The following AP3B2 variants were observed in gnomAD, a reference collection of about 807,000 sequenced individuals.
AP3B2 encodes the protein AP-3 complex subunit beta-2.
Under a neutral mutation model 126.9 loss-of-function variants are expected in AP3B2, and 50 were observed. The observed-to-expected ratio is 0.39, with a 90% CI of 0.31 to 0.50. The LOEUF (loss-of-function observed/expected upper bound fraction) is 0.50, where lower values mean the gene tolerates loss of function less well. Ranked by LOEUF, AP3B2 falls within the 20% of genes least tolerant of loss-of-function variation. The pLI, the probability that AP3B2 is intolerant of heterozygous loss-of-function variation, is 0.79. For missense variants in AP3B2, 1,177 were observed against 1,426.4 expected, an observed-to-expected ratio of 0.83 and a Z score of 2.82; for synonymous variants, 541 against 565.0, an observed-to-expected ratio of 0.96 and a Z score of 0.60.
chr15:82,670,120 G>GGC (rs1437023084), intron 14 of AP3B2, among the ~76,000 whole-genome samples: 1 of 136,488 alleles, frequency 7.3e-6, no homozygotes, highest in East Asian at 2.1e-4. Context: ...TTTGGCGGGG[G>GGC]GGGACGAAGA....
intron 14 of AP3B2, among the ~76,000 whole-genome samples, chr15:82,670,883 G>C (rs934700419): frequency 3.3e-5 from 5 of 152,132 alleles, no homozygotes; most frequent in African/African-American, 4.8e-5. Context: ...TTTAAAAATG[G>C]GCAAAAGAGC....
At chr15:82,691,326 T>C (rs1461279969) in intron 1 of AP3B2, among the ~76,000 whole-genome samples, 3 of 152,232 alleles carry the variant, frequency 2.0e-5, no homozygotes, top group African/African-American at 4.8e-5. Flanking sequence ...TGGTACCTCA[T>C]TGTGGTTTTG....
intron 4 of AP3B2, 70 bp downstream of exon 4, chr15:82,688,666 C>A: frequency 7.1e-7 from 1 of 1,413,532 alleles, no homozygotes; most frequent in Non-Finnish European, 9.8e-7. Context: ...CATGGCCTCT[C>A]CCCAGGCCTA....
At position 82,690,642 on chromosome 15, in the gene AP3B2, C is replaced by CTTTTT. The variant is rs147811093; in HGVS notation, c.114-1194_114-1190dup. ...TGTATATGTGCCACATTTTCTTCTT[C>CTTTTT]TTTTTTTTTTTTTTTTTTTTTTTTT... On this transcript the variant is annotated intron_variant, in intron 1 of 26. Coordinates refer to ENST00000535359, the MANE Select transcript of AP3B2 (RefSeq NM_001278512.2). Among the ~76,000 whole-genome samples the CTTTTT allele has an allele frequency of 7.4e-4, 51 of 68,914 alleles. 2 individuals carry two copies. Among genetic ancestry groups the CTTTTT allele is most frequent in the African/African-American group, 1.9e-3 (28 of 15,116 alleles). 45.2% of individuals were successfully genotyped at this position (68,914 alleles called of 152,430 possible).
chr15:82,680,328 C>A lies in AP3B2; in HGVS notation c.1056-99G>T, dbSNP rs2048314220. 8 of 1,565,712 alleles carry A rather than the reference C, an allele frequency of 5.1e-6. No individual in the cohort carries two copies. Among genetic ancestry groups the A allele is most frequent in the East Asian group, 2.3e-5 (1 of 43,838 alleles). On this transcript the variant is annotated intron_variant, in intron 8 of 26. Coordinates refer to ENST00000535359, the MANE Select transcript of AP3B2 (RefSeq NM_001278512.2). The surrounding 1 kb of genome is among the most constrained non-coding windows in gnomAD (Gnocchi z 6.1). The stretch of plus-strand genomic sequence containing the variant: ...GGGGCAAGTCGTTGCGGGGAGAGGA[C>A]CAGTGCGGAGGGCAGGACTACGGTC...
intron 14 of AP3B2, among the ~76,000 whole-genome samples, chr15:82,670,100 C>T (rs747096348): frequency 3.2e-4 from 20 of 62,458 alleles, no homozygotes; most frequent in East Asian, 9.8e-4. Context: ...AAATCAGTGG[C>T]TTTTTTTTTT....
At chr15:82,701,058 G>T (rs1230712856) in intron 1 of AP3B2, among the ~76,000 whole-genome samples, 1 of 151,842 alleles carries the variant, frequency 6.6e-6, no homozygotes, top group African/African-American at 2.4e-5. Flanking sequence ...ACGGGGTTTT[G>T]ACATGTTGGC....
intron 1 of AP3B2, chr15:82,691,837 A>C (rs113970449): frequency 0.014 from 18,665 of 1,364,140 alleles, 178 homozygotes; most frequent in Non-Finnish European, 0.017. Context: ...TGCTTCTCTC[A>C]GGATAAACTC....
At chr15:82,679,624 A>G in intron 10 of AP3B2, 105 bp downstream of exon 10, 1 of 1,077,926 alleles carries the variant, frequency 9.3e-7, no homozygotes, top group Non-Finnish European at 1.4e-6. Flanking sequence ...TCCTGGGCTC[A>G]GCCCCAGGAA....
intron 1 of AP3B2, among the ~76,000 whole-genome samples, chr15:82,702,289 AT>A (rs2048730191): frequency 6.6e-6 from 1 of 152,250 alleles, no homozygotes; most frequent in East Asian, 1.9e-4. Flanking sequence ...TTTTCCACAA[AT>A]TTGCTTGTAA....
At chr15:82,691,984 C>T (rs2048542953) in intron 1 of AP3B2, 3 of 1,449,012 alleles carry the variant, frequency 2.1e-6, no homozygotes, top group Admixed American at 3.6e-5. Flanking sequence ...AACAGACATC[C>T]CCAACTTCTC....
chr15:82,692,400 G>C (rs1040452177), intron 1 of AP3B2: 4 of 476,192 alleles, frequency 8.4e-6, no homozygotes, highest in African/African-American at 6.1e-5. Flanking sequence ...CCCCCGCAGC[G>C]TCCCCGCGGG....
chr15:82,659,878 C>A lies in AP3B2; in HGVS notation c.3122G>T (p.Gly1041Val), dbSNP rs773955767. 1.9e-6 allele frequency: 3 copies of A among 1,614,002 alleles called. No homozygotes were observed. Among genetic ancestry groups the A allele is most frequent in the Non-Finnish European group, 2.5e-6 (3 of 1,179,886 alleles). ...ATCAGATGTCCCACAAGGAACACGACCCAGGTTGGCAGTGGCAGTCACTTT... is the reference window on the plus strand; with the variant it reads ...ATCAGATGTCCCACAAGGAACACGAACCAGGTTGGCAGTGGCAGTCACTTT... ...VQKVTATANL[G>V]RVPCGTSDEY... The change falls in exon 26 of 27, where the codon GGT becomes GTT. Residue 1041 changes from glycine to valine, a missense_variant. Around this residue, in one of 5 missense-constraint regions of AP3B2, gnomAD observed 587 missense variants for 571.3 expected, o/e 1.03. Coordinates refer to ENST00000535359, the MANE Select transcript of AP3B2 (RefSeq NM_001278512.2).
rs1029091085 is a variant in AP3B2 at position 82,691,940 on chromosome 15, A to G, written c.114-2487T>C. The G allele has an allele frequency of 2.0e-5, 27 of 1,369,922 alleles. No individual in the cohort carries two copies. In the African/African-American group the frequency reaches 3.9e-4, roughly 20 times the overall value. 84.9% of individuals were successfully genotyped at this position (1,369,922 alleles called of 1,614,324 possible). Reference sequence around the variant, plus strand: ...CATGTCTTCTTTTCTGAGATACTCAACCATCCCCACACCGTCCTTCTGCAC... The same window carrying G: ...CATGTCTTCTTTTCTGAGATACTCAGCCATCCCCACACCGTCCTTCTGCAC... On this transcript the variant is annotated intron_variant, in intron 1 of 26. Coordinates refer to ENST00000535359, the MANE Select transcript of AP3B2 (RefSeq NM_001278512.2).
intron 14 of AP3B2, among the ~76,000 whole-genome samples, chr15:82,671,316 C>A (rs1400994893): frequency 2.0e-5 from 3 of 151,940 alleles, no homozygotes; most frequent in Non-Finnish European, 2.9e-5. Flanking sequence ...AAAGATATAT[C>A]ATCTCACCCC....
At chr15:82,683,051 T>TTTG (rs2048369575) in intron 4 of AP3B2, among the ~76,000 whole-genome samples, 1 of 73,778 alleles carries the variant, frequency 1.4e-5, no homozygotes, top group Non-Finnish European at 2.4e-5. Context: ...CCAGGAGTTT[T>TTTG]TTTTTTTTTT....
At chr15:82,659,768 G>A (rs971089820) in intron 26 of AP3B2, 58 bp from the exon 27 acceptor site, 2 of 1,609,466 alleles carry the variant, frequency 1.2e-6, no homozygotes, top group East Asian at 2.2e-5. Flanking sequence ...TGTTTGGAAG[G>A]GGATCAGCAG....
In AP3B2 at chr15:82,664,227, G is replaced by T; in HGVS notation, c.2261+140C>A. On this transcript the variant is annotated intron_variant, in intron 19 of 26. Coordinates refer to ENST00000535359, the MANE Select transcript of AP3B2 (RefSeq NM_001278512.2). This position sits in a 1 kb window ranked among gnomAD's most constrained non-coding sequence, Gnocchi z 4.5. ...AGATCTCCTGCAGCCAGCGAAAGTA[G>T]GCGTCATGTGAGCTGACAGCCCCAC... is the stretch of plus-strand genomic sequence containing the variant. The T allele has an allele frequency of 1.4e-6, 2 of 1,389,460 alleles. No individual in the cohort carries two copies. The highest frequency in any genetic ancestry group is 2.1e-5 in the Admixed American group (1 of 48,162). 86.1% of individuals were successfully genotyped at this position (1,389,460 alleles called of 1,614,324 possible). A position where few individuals can be genotyped will look rare whatever the true frequency, so the allele number is the denominator to read the frequency against.
At chr15:82,678,059 G>A in intron 11 of AP3B2, 46 bp downstream of exon 11, 1 of 1,596,948 alleles carries the variant, frequency 6.3e-7, no homozygotes. Flanking sequence ...ACAAGGATCT[G>A]ATGGGCCCCT....
Sources: gnomAD v4.1 joint callset for allele counts (sites outside exome capture counted in the v4.1 genomes callset) on GRCh38, gnomAD v4.1.1 for gene constraint, gnomAD v4.1.1 regional missense constraint, Gnocchi (gnomAD v3.1) non-coding constraint, MANE v1.5 for transcripts, NCBI Gene and HGNC (gene_info 2026-07-23, HGNC 2026-07-21) for gene names.